The following CELF2 variants were observed in gnomAD, a reference collection of about 807,000 sequenced individuals.
CELF2 encodes the protein CUGBP Elav-like family member 2, also known as CUG triplet repeat RNA-binding protein 2.
Under a neutral mutation model 62.6 loss-of-function variants are expected in CELF2, and 8 were observed. The ratio of observed to expected loss-of-function variants is 0.13; its 90% confidence interval spans 0.07 to 0.23. The LOEUF is 0.23. Ranked by LOEUF, CELF2 falls within the 10% of genes least tolerant of loss-of-function variation. The probability of loss-of-function intolerance (pLI) is 1.00; values close to 1 mark genes in which losing one functional copy is unlikely to be tolerated. For missense variants in CELF2, 333 were observed against 671.0 expected (o/e 0.50, Z 5.56); for synonymous variants, 258 against 250.0 (o/e 1.03, Z -0.30).
At chr10:10,923,010 T>C (rs1437201621) in intron 2 of CELF2, 1 of 152,172 alleles carries the variant, frequency 6.6e-6, no homozygotes, top group Non-Finnish European at 1.5e-5. Flanking sequence ...GTTTGTACAG[T>C]CTCGTAGAAT....
At chr10:11,070,596 G>A (rs533633016) in intron 1 of CELF2, among the ~76,000 whole-genome samples, 1 of 152,124 alleles carries the variant, frequency 6.6e-6, no homozygotes, top group African/African-American at 2.4e-5. Flanking sequence ...ATCTTGAGTC[G>A]TGAAAATCTT....
chr10:10,500,054 A>T, the CELF2 span, among the ~76,000 whole-genome samples: 1 of 152,180 alleles, frequency 6.6e-6, no homozygotes. Context: ...TTTCAATAAC[A>T]TTTAAGTGAG....
intron 1 of CELF2, among the ~76,000 whole-genome samples, chr10:11,095,101 T>C (rs2049427629): frequency 6.6e-6 from 1 of 152,366 alleles, no homozygotes; most frequent in Admixed American, 6.5e-5. Context: ...TTTTGGTTTT[T>C]ATTTTTAATG....
chr10:11,149,954 C>T (rs2063021232), intron 1 of CELF2, among the ~76,000 whole-genome samples: 1 of 152,192 alleles, frequency 6.6e-6, no homozygotes, highest in Admixed American at 6.5e-5. Context: ...CAGAAAAGCT[C>T]ACAGTTAAAT....
At chr10:10,588,216 C>T in the CELF2 span, among the ~76,000 whole-genome samples, 1 of 152,150 alleles carries the variant, frequency 6.6e-6, no homozygotes, top group Non-Finnish European at 1.5e-5. Flanking sequence ...CAGCTTGAGA[C>T]ACCCTGGTGT....
the CELF2 span, among the ~76,000 whole-genome samples, chr10:10,605,702 A>T: frequency 6.6e-6 from 1 of 152,192 alleles, no homozygotes; most frequent in Non-Finnish European, 1.5e-5. Flanking sequence ...AATGAAGATC[A>T]TGTGTGTTTG....
At chr10:11,094,942 C>A (rs1430091169) in intron 1 of CELF2, among the ~76,000 whole-genome samples, 1 of 152,092 alleles carries the variant, frequency 6.6e-6, no homozygotes, top group African/African-American at 2.4e-5. Context: ...TCTAATTTCC[C>A]AAAATGGCAA....
chr10:10,921,043 C>A (rs1384142813), intron 2 of CELF2, among the ~76,000 whole-genome samples: 1 of 151,968 alleles, frequency 6.6e-6, no homozygotes, highest in Non-Finnish European at 1.5e-5. Flanking sequence ...CAACTTCCAC[C>A]TCCCAGGTTC....
chr10:11,161,162 T>C (rs76351084), intron 1 of CELF2, among the ~76,000 whole-genome samples: 1 of 152,244 alleles, frequency 6.6e-6, no homozygotes, highest in Non-Finnish European at 1.5e-5. Context: ...AAGTAAGCAC[T>C]CATCGTTTTT....
the CELF2 span, among the ~76,000 whole-genome samples, chr10:10,588,853 TCA>T: frequency 6.6e-6 from 1 of 152,186 alleles, no homozygotes; most frequent in African/African-American, 2.4e-5. Context: ...ATGCCAGTAT[TCA>T]CAGAGTACCA....
rs1318069359 is a variant in CELF2, at chr10:10,931,139, A to T, written c.89+11140A>T. Among the ~76,000 whole-genome samples the T allele has an allele frequency of 6.6e-6, 1 of 152,164 alleles. No homozygotes were observed. The highest frequency in any genetic ancestry group is 1.9e-4 in the East Asian group (1 of 5,200). The stretch of plus-strand genomic sequence containing the variant: ...CGGATTAGGTTTTGTAAATGTTTCT[A>T]TTATGTATTTTCCTTTTCCTTCTTT... On this transcript the variant is annotated intron_variant, in intron 2 of 13. Transcript: ENST00000636488. This position sits in a 1 kb window ranked among gnomAD's most constrained non-coding sequence, Gnocchi z 6.1.
chr10:10,826,729 C>T (rs1564678180), intron 1 of CELF2, among the ~76,000 whole-genome samples: 1 of 152,190 alleles, frequency 6.6e-6, no homozygotes, highest in African/African-American at 2.4e-5. Flanking sequence ...CCCATGAGAG[C>T]ACCTGAGTTG....
intron 1 of CELF2, among the ~76,000 whole-genome samples, chr10:11,082,969 G>A (rs2074420563): frequency 6.6e-6 from 1 of 152,170 alleles, no homozygotes; most frequent in Admixed American, 6.5e-5. Flanking sequence ...ATATCTCTAA[G>A]CTGAATAAAT....
chr10:11,147,925 G>A (rs1214970118), intron 1 of CELF2, among the ~76,000 whole-genome samples: 1 of 152,234 alleles, frequency 6.6e-6, no homozygotes, highest in East Asian at 1.9e-4. Context: ...AGGAGGCATG[G>A]CACAGTGGCA....
intron 3 of CELF2, among the ~76,000 whole-genome samples, chr10:11,222,678 T>C (rs4306214): frequency 0.85 from 129,870 of 152,186 alleles, 55,788 homozygotes; most frequent in Non-Finnish European, 0.91. Context: ...AGCCTGCCAC[T>C]ATGCTTACAC....
chr10:10,536,090 A>G, the CELF2 span, among the ~76,000 whole-genome samples: 1 of 148,018 alleles, frequency 6.8e-6, no homozygotes, highest in Non-Finnish European at 1.5e-5. Context: ...TGCGATCTCG[A>G]CTCATTGCAA....
chr10:10,910,257 C>T (rs1278401077), intron 1 of CELF2, among the ~76,000 whole-genome samples: 2 of 152,102 alleles, frequency 1.3e-5, no homozygotes, highest in African/African-American at 4.8e-5. Flanking sequence ...AATTGCAGTG[C>T]AGCTTAGAGC....
At chr10:10,904,279 T>A (rs1294323903) in intron 1 of CELF2, among the ~76,000 whole-genome samples, 4 of 151,530 alleles carry the variant, frequency 2.6e-5, no homozygotes, top group South Asian at 2.1e-4. Flanking sequence ...CAGGCTAGAG[T>A]GCAGTGGTGT....
At chr10:10,470,067 T>C in the CELF2 span, among the ~76,000 whole-genome samples, 1 of 151,914 alleles carries the variant, frequency 6.6e-6, no homozygotes, top group Admixed American at 6.6e-5. Flanking sequence ...GATTCTGAAC[T>C]AGTACATAGG....
Sources: gnomAD v4.1 joint callset for allele counts (sites outside exome capture counted in the v4.1 genomes callset) on GRCh38, gnomAD v4.1.1 for gene constraint, Gnocchi (gnomAD v3.1) non-coding constraint, MANE v1.5 for transcripts, NCBI Gene and HGNC (gene_info 2026-07-23, HGNC 2026-07-21) for gene names.